The following CDC42BPA variants were observed in gnomAD, a reference collection of about 807,000 sequenced individuals.
CDC42BPA encodes CDC42 binding protein kinase alpha.
CDC42BPA carries 80 observed loss-of-function variants against 223.5 expected under a neutral mutation model. That is an observed-to-expected ratio of 0.36 (90% CI 0.30 to 0.43). The LOEUF is 0.43. CDC42BPA is among the 20% of genes least tolerant of loss of function. CDC42BPA has a pLI of 1.00. For missense variants in CDC42BPA, 1,743 were observed against 2,099.9 expected (o/e 0.83, Z 3.32); for synonymous variants, 694 against 718.6 (o/e 0.97, Z 0.55).
chr1:227,014,895 T>A (rs552574143), intron 34 of CDC42BPA, among the ~76,000 whole-genome samples: 1 of 152,354 alleles, frequency 6.6e-6, no homozygotes, highest in South Asian at 2.1e-4. Context: ...CTAATATTCT[T>A]AATTTAAACA....
chr1:226,992,535 C>T lies in CDC42BPA; in HGVS notation c.*1733G>A, dbSNP rs1342526921. On this transcript the variant is annotated 3_prime_UTR_variant, in exon 37 of 37. Coordinates refer to ENST00000366766, the MANE Select transcript of CDC42BPA (RefSeq NM_001394014.1). Reference sequence around the variant, plus strand: ...GCATGGTGGCCACCTCAGTGACACGCAGGTCACCTCAGTGACACAGACGTG... The same window carrying T: ...GCATGGTGGCCACCTCAGTGACACGTAGGTCACCTCAGTGACACAGACGTG... 1.3e-5 allele frequency: 2 copies of T among 152,310 alleles called. No individual in the cohort carries two copies. Among genetic ancestry groups the T allele is most frequent in the Non-Finnish European group, 2.9e-5 (2 of 68,072 alleles). The allele number at this position is 152,310 out of a possible 1,614,324, so 9.4% of individuals were successfully genotyped here. A position where few individuals can be genotyped will look rare whatever the true frequency, so the allele number is the denominator to read the frequency against.
intron 1 of CDC42BPA, among the ~76,000 whole-genome samples, chr1:227,299,009 G>A (rs1377920488): frequency 6.6e-6 from 1 of 152,082 alleles, no homozygotes; most frequent in East Asian, 1.9e-4. Flanking sequence ...TAGAAATCAA[G>A]TGAAACAGTT....
intron 1 of CDC42BPA, among the ~76,000 whole-genome samples, chr1:227,281,791 T>C (rs1310012330): frequency 1.3e-5 from 2 of 152,174 alleles, no homozygotes; most frequent in African/African-American, 4.8e-5. Context: ...TCAGGAGTCC[T>C]GAACCTCTGC....
chr1:227,174,615 T>A (rs1189992502), intron 5 of CDC42BPA, among the ~76,000 whole-genome samples: 1 of 152,142 alleles, frequency 6.6e-6, no homozygotes, highest in Non-Finnish European at 1.5e-5. Flanking sequence ...ATATAAAATA[T>A]TATCAACATT....
chr1:227,097,748 G>T (rs1684276823), intron 15 of CDC42BPA, among the ~76,000 whole-genome samples: 1 of 152,184 alleles, frequency 6.6e-6, no homozygotes, highest in Non-Finnish European at 1.5e-5. Flanking sequence ...AGTCAGGGAA[G>T]AATGCCTCAA....
At chr1:227,168,131 G>A (rs1046213480) in intron 5 of CDC42BPA, among the ~76,000 whole-genome samples, 2 of 152,070 alleles carry the variant, frequency 1.3e-5, no homozygotes, top group Non-Finnish European at 2.9e-5. Context: ...CACCATGTTA[G>A]TCAGGCTGGT....
At chr1:227,309,643 T>C (rs142042758) in intron 1 of CDC42BPA, among the ~76,000 whole-genome samples, 1 of 152,188 alleles carries the variant, frequency 6.6e-6, no homozygotes, top group African/African-American at 2.4e-5. Flanking sequence ...ATGAATGTAA[T>C]CTCTTCAGAT....
intron 5 of CDC42BPA, among the ~76,000 whole-genome samples, chr1:227,165,857 G>A (rs189795394): frequency 6.6e-6 from 1 of 152,248 alleles, no homozygotes; most frequent in East Asian, 1.9e-4. Flanking sequence ...ATGCTGGAGA[G>A]ACTACTTTTC....
At chr1:227,206,164 G>A (rs1283105520) in intron 3 of CDC42BPA, among the ~76,000 whole-genome samples, 1 of 152,204 alleles carries the variant, frequency 6.6e-6, no homozygotes, top group Admixed American at 6.5e-5. Context: ...CTGTTAATGA[G>A]CGAAGTCAGT....
intron 1 of CDC42BPA, among the ~76,000 whole-genome samples, chr1:227,301,084 T>A (rs1691541341): frequency 6.7e-6 from 1 of 149,366 alleles, no homozygotes; most frequent in African/African-American, 2.4e-5. Context: ...TTCACAGAAG[T>A]ATCTGTGTAT....
chr1:227,132,454 G>A (rs1479509333), intron 10 of CDC42BPA, among the ~76,000 whole-genome samples: 2 of 143,346 alleles, frequency 1.4e-5, no homozygotes, highest in Admixed American at 1.4e-4. Context: ...CCAGGCTGGA[G>A]TGCAGTGGCG....
intron 1 of CDC42BPA, among the ~76,000 whole-genome samples, chr1:227,298,899 T>C (rs1239606357): frequency 2.0e-5 from 3 of 152,234 alleles, no homozygotes; most frequent in Non-Finnish European, 4.4e-5. Context: ...ACTGCTCATC[T>C]ATAACTTCAC....
At chr1:227,010,957 A>G in intron 34 of CDC42BPA, 1 of 1,364,822 alleles carries the variant, frequency 7.3e-7, no homozygotes, top group Non-Finnish European at 9.8e-7. Context: ...ATCAGGAGAG[A>G]GAAATTTTTC....
At chr1:227,232,199 A>G (rs1361715673) in intron 2 of CDC42BPA, among the ~76,000 whole-genome samples, 2 of 152,210 alleles carry the variant, frequency 1.3e-5, no homozygotes, top group Non-Finnish European at 2.9e-5. Flanking sequence ...CTTTTTACAT[A>G]TGGCTAGCCG....
chr1:227,162,283 A>C (rs1664053896), intron 5 of CDC42BPA, among the ~76,000 whole-genome samples: 1 of 152,052 alleles, frequency 6.6e-6, no homozygotes, highest in Non-Finnish European at 1.5e-5. Context: ...GAAAATACTA[A>C]AAATTAACAA....
chr1:227,142,040 GT>G (rs1659773492), intron 9 of CDC42BPA, among the ~76,000 whole-genome samples: 1 of 152,154 alleles, frequency 6.6e-6, no homozygotes, highest in African/African-American at 2.4e-5. Flanking sequence ...GGGTAATACA[GT>G]ACATTTGTCA....
At chr1:227,165,074 T>C (rs745531229) in intron 5 of CDC42BPA, among the ~76,000 whole-genome samples, 3 of 152,152 alleles carry the variant, frequency 2.0e-5, no homozygotes, top group Non-Finnish European at 4.4e-5. Flanking sequence ...TTAAATGCAA[T>C]ACTATGCACT....
At chr1:227,063,697 C>T (rs1676402949) in intron 21 of CDC42BPA, among the ~76,000 whole-genome samples, 1 of 151,958 alleles carries the variant, frequency 6.6e-6, no homozygotes, top group Non-Finnish European at 1.5e-5. Context: ...TTCAGGAATG[C>T]CAAAGAAGCT....
intron 35 of CDC42BPA, among the ~76,000 whole-genome samples, chr1:227,001,912 A>AG (rs1662931529): frequency 6.6e-6 from 1 of 151,988 alleles, no homozygotes; most frequent in Non-Finnish European, 1.5e-5. Context: ...GTCTCAAAAA[A>AG]AACAAAAACA....
Sources: allele counts gnomAD v4.1 joint callset (sites outside exome capture counted in the v4.1 genomes callset), GRCh38; gene constraint gnomAD v4.1.1; transcripts MANE v1.5; gene names NCBI Gene and HGNC (gene_info 2026-07-23, HGNC 2026-07-21).